The following WDR70 variants were observed in gnomAD, a reference collection of about 807,000 sequenced individuals.
The protein encoded by WDR70 is WD repeat-containing protein 70.
In WDR70, 53 loss-of-function variants were observed where a neutral mutation model predicts 88.6. That is an observed-to-expected ratio of 0.60 (90% CI 0.48 to 0.75). The LOEUF (loss-of-function observed/expected upper bound fraction) is 0.75, where lower values mean the gene tolerates loss of function less well. Among genes scored for constraint, WDR70 ranks in the 30% least tolerant of loss-of-function variants. The pLI, the probability that WDR70 is intolerant of heterozygous loss-of-function variation, is 0.00. For synonymous variants in WDR70, 280 were observed against 270.0 expected, an observed-to-expected ratio of 1.04 and a Z score of -0.36; for missense variants, 610 against 823.2, an observed-to-expected ratio of 0.74 and a Z score of 3.17.
At chr5:37,554,009 T>A (rs1408792837) in intron 9 of WDR70, among the ~76,000 whole-genome samples, 1 of 152,218 alleles carries the variant, frequency 6.6e-6, no homozygotes, top group East Asian at 1.9e-4. Flanking sequence ...TTAGAGGGAT[T>A]ATGGAATATT....
intron 3 of WDR70, among the ~76,000 whole-genome samples, chr5:37,389,723 A>T (rs1190480867): frequency 6.6e-6 from 1 of 152,082 alleles, no homozygotes; most frequent in Non-Finnish European, 1.5e-5. Context: ...GCCCATTCTT[A>T]AATCTGGACA....
intron 7 of WDR70, among the ~76,000 whole-genome samples, chr5:37,460,690 TA>T (rs70978819): frequency 1.6e-5 from 2 of 121,580 alleles, no homozygotes; most frequent in Middle Eastern, 3.8e-3. Context: ...TAGAGTATAA[TA>T]AAAAAAAACA....
chr5:37,520,365 TTGTC>T (rs1741048498), intron 9 of WDR70, among the ~76,000 whole-genome samples: 1 of 152,086 alleles, frequency 6.6e-6, no homozygotes, highest in South Asian at 2.1e-4. Flanking sequence ...AAACTGAAGT[TTGTC>T]AATCTATACA....
chr5:37,586,922 G>C (rs1189389440), intron 9 of WDR70, among the ~76,000 whole-genome samples: 3 of 152,058 alleles, frequency 2.0e-5, no homozygotes, highest in Non-Finnish European at 2.9e-5. Flanking sequence ...CACTTAACTT[G>C]CTATTGCCAC....
At chr5:37,635,121 T>A (rs532294175) in intron 10 of WDR70, among the ~76,000 whole-genome samples, 5 of 152,270 alleles carry the variant, frequency 3.3e-5, no homozygotes, top group African/African-American at 1.2e-4. Context: ...CTCTTTTACC[T>A]ATATTACTAC....
chr5:37,574,001 AG>A (rs1742985031), intron 9 of WDR70, among the ~76,000 whole-genome samples: 1 of 152,070 alleles, frequency 6.6e-6, no homozygotes, highest in Non-Finnish European at 1.5e-5. Flanking sequence ...TATTGAGGGG[AG>A]GGGATTGACC....
intron 5 of WDR70, among the ~76,000 whole-genome samples, chr5:37,430,111 G>T (rs1431331101): frequency 2.6e-5 from 4 of 152,026 alleles, no homozygotes; most frequent in Non-Finnish European, 4.4e-5. Context: ...ATCTTAAATG[G>T]CGTGAACCAC....
At chr5:37,641,186 T>A (rs996107378) in intron 10 of WDR70, among the ~76,000 whole-genome samples, 3 of 152,166 alleles carry the variant, frequency 2.0e-5, no homozygotes, top group African/African-American at 7.2e-5. Context: ...CTTGGCTCAC[T>A]GCAACTGCAA....
chr5:37,400,415 A>G (rs1221145723), intron 5 of WDR70, among the ~76,000 whole-genome samples: 1 of 152,174 alleles, frequency 6.6e-6, no homozygotes, highest in Non-Finnish European at 1.5e-5. Context: ...GCTTGATTTT[A>G]TCATTGTTTT....
rs547217849 is a variant in WDR70 at position 37,595,175 on chromosome 5, A to G, written c.918-9889A>G. Among the ~76,000 whole-genome samples the G allele has an allele frequency of 1.3e-4, 20 of 152,230 alleles. No homozygotes were observed. The South Asian group carries it at 3.3e-3, about 25-fold the overall frequency. On this transcript the variant is annotated intron_variant, in intron 9 of 17. Coordinates refer to ENST00000265107, the MANE Select transcript of WDR70 (RefSeq NM_018034.4). ...TGCCCTGGCCAGAACTTCCAACACT[A>G]TGTTGAATAGGAGTGGTGAGAGAGG... is the stretch of plus-strand genomic sequence containing the variant.
intron 7 of WDR70, among the ~76,000 whole-genome samples, chr5:37,457,084 G>C (rs754778100): frequency 2.0e-5 from 3 of 152,002 alleles, no homozygotes; most frequent in Non-Finnish European, 4.4e-5. Flanking sequence ...TTTTTTTTCC[G>C]CATAACACTT....
At chr5:37,603,590 G>A (rs1372008902) in intron 9 of WDR70, among the ~76,000 whole-genome samples, 1 of 152,130 alleles carries the variant, frequency 6.6e-6, no homozygotes, top group Non-Finnish European at 1.5e-5. Context: ...GGCAATAAAA[G>A]CAAAAATGGG....
At chr5:37,448,287 C>T (rs1738562779) in intron 7 of WDR70, among the ~76,000 whole-genome samples, 1 of 152,084 alleles carries the variant, frequency 6.6e-6, no homozygotes, top group Non-Finnish European at 1.5e-5. Context: ...TGGTTTCTGG[C>T]ACAACATGAT....
At chr5:37,529,717 C>T (rs1741421935) in intron 9 of WDR70, among the ~76,000 whole-genome samples, 1 of 151,988 alleles carries the variant, frequency 6.6e-6, no homozygotes, top group African/African-American at 2.4e-5. Flanking sequence ...GTTCTAGGAG[C>T]TTTTTGGATG....
intron 10 of WDR70, among the ~76,000 whole-genome samples, chr5:37,642,105 T>TA (rs780557932): frequency 8.5e-5 from 13 of 152,156 alleles, no homozygotes; most frequent in Non-Finnish European, 1.5e-4. Context: ...TTCCTACACT[T>TA]ACGCAAGTTT....
intron 10 of WDR70, among the ~76,000 whole-genome samples, chr5:37,616,108 C>A (rs4869537): frequency 0.47 from 70,603 of 151,546 alleles, 17,902 homozygotes; most frequent in Non-Finnish European, 0.58. Context: ...TCTTCCATAA[C>A]TTTCTCCATA....
intron 9 of WDR70, among the ~76,000 whole-genome samples, chr5:37,595,854 G>T (rs566966013): frequency 2.6e-4 from 40 of 152,244 alleles, no homozygotes; most frequent in Non-Finnish European, 3.1e-4. Context: ...AATGTTGCAT[G>T]AATGAAAGAA....
intron 13 of WDR70, among the ~76,000 whole-genome samples, chr5:37,709,252 A>G (rs563264869): frequency 1.3e-5 from 2 of 152,312 alleles, no homozygotes; most frequent in East Asian, 1.9e-4. Flanking sequence ...TTATGGAGCA[A>G]TCAGGCAGCT....
rs1417861915 is a variant in WDR70, at chr5:37,649,730, CTTCTT to C, written c.1092+44495_1092+44499del. On this transcript the variant is annotated intron_variant, in intron 10 of 17. Coordinates refer to ENST00000265107, the MANE Select transcript of WDR70 (RefSeq NM_018034.4). ...CTCATATACATTCACGATGTTATTA[CTTCTT>C]TTTTTTTTTTTTTTTTTTTTGAGAC... 5.3e-4 allele frequency among the ~76,000 whole-genome samples: 26 copies of C among 48,868 alleles called. 1 individual carries two copies. In the South Asian group the frequency reaches 0.022, roughly 42 times the overall value. 32.1% of individuals were successfully genotyped at this position (48,868 alleles called of 152,430 possible). A position where few individuals can be genotyped will look rare whatever the true frequency, so the allele number is the denominator to read the frequency against.
Sources: allele counts gnomAD v4.1 joint callset (sites outside exome capture counted in the v4.1 genomes callset), GRCh38; gene constraint gnomAD v4.1.1; transcripts MANE v1.5; gene names NCBI Gene and HGNC (gene_info 2026-07-23, HGNC 2026-07-21).